Variants in BTBD16 observed in about 807,000 individuals in gnomAD.
BTBD16 encodes the protein BTB/POZ domain-containing protein 16.
A neutral mutation model predicts 67.4 loss-of-function variants in BTBD16; 66 were observed. The ratio of observed to expected loss-of-function variants is 0.98; its 90% CI spans 0.80 to 1.20. The LOEUF is 1.20. BTBD16 is among the 50% of genes most tolerant of loss of function. The probability of loss-of-function intolerance (pLI) is 0.00; values close to 1 mark genes in which losing one functional copy is unlikely to be tolerated. For missense variants in BTBD16, 634 were observed against 616.0 expected (o/e 1.03, Z -0.31); for synonymous variants, 242 against 236.4 (o/e 1.02, Z -0.22).
intron 15 of BTBD16, 103 bp downstream of exon 15, chr10:122,336,785 GAT>G: frequency 9.4e-7 from 1 of 1,061,110 alleles, no homozygotes; most frequent in East Asian, 2.9e-5. Flanking sequence ...CTACACTGAA[GAT>G]CCCTGGAAAA....
intron 4 of BTBD16, among the ~76,000 whole-genome samples, chr10:122,284,964 C>T (rs993583952): frequency 6.6e-6 from 1 of 152,116 alleles, no homozygotes; most frequent in Admixed American, 6.5e-5. Flanking sequence ...TGGGCTGAGA[C>T]TTTTTCTAAC....
chr10:122,306,150 A>T (rs1471341267), intron 9 of BTBD16, among the ~76,000 whole-genome samples: 1 of 152,204 alleles, frequency 6.6e-6, no homozygotes, highest in Admixed American at 6.5e-5. Flanking sequence ...CCATAGAGAG[A>T]TTTGAAGATG....
Position 122,286,195 on chromosome 10 carries a change from C to T in BTBD16, c.332C>T (p.Ala111Val). 1 of 1,613,948 alleles carries T rather than the reference C, an allele frequency of 6.2e-7. No homozygotes were observed. The highest frequency in any genetic ancestry group is 8.5e-7 in the Non-Finnish European group (1 of 1,179,858). The change falls in exon 5 of 16, where the codon GCC (alanine) becomes GTC (valine). Residue 111 changes from alanine (A) to valine (V), a missense_variant. By Grantham distance (64) the Ala-to-Val change is moderately conservative. Coordinates refer to ENST00000260723, the MANE Select transcript of BTBD16 (RefSeq NM_144587.5). The part of the protein sequence containing the change: ...SETLAKLYLK[A>V]LAQGTTHPLR... ...ACCTTGGCCAAGCTCTACCTGAAAG[C>T]CCTGGCGCAGGGCACCACACACCCC...
At chr10:122,294,585 A>G (rs866077438) in intron 7 of BTBD16, among the ~76,000 whole-genome samples, 20 of 152,360 alleles carry the variant, frequency 1.3e-4, no homozygotes, top group Middle Eastern at 3.4e-3. Context: ...CACATGGAGC[A>G]TCTCCCTGGT....
chr10:122,327,724 G>C, intron 10 of BTBD16: 1 of 874,900 alleles, frequency 1.1e-6, no homozygotes, highest in Non-Finnish European at 1.4e-6. Flanking sequence ...CTCTGGGACA[G>C]GATGGCTGTC....
chr10:122,329,451 CT>C, intron 10 of BTBD16, 28 bp from the exon 11 acceptor site: 5 of 1,608,842 alleles, frequency 3.1e-6, no homozygotes, highest in Non-Finnish European at 4.2e-6. Context: ...TGCTGAAGGT[CT>C]GTTATTCTTC....
chr10:122,322,398 C>T (rs879277078), intron 10 of BTBD16, among the ~76,000 whole-genome samples: 2 of 152,008 alleles, frequency 1.3e-5, no homozygotes, highest in Admixed American at 1.3e-4. Flanking sequence ...GTGGCTTTAT[C>T]GGACATTCTA....
At position 122,286,268 on chromosome 10, in the gene BTBD16, C is replaced by A; in HGVS notation, c.385+20C>A. The A allele has an allele frequency of 6.3e-7, 1 of 1,594,074 alleles. No individual in the cohort carries two copies. Reference sequence around the variant, plus strand: ...TGCGAGGTACTTCCTCCCTGGCACCCAGTGCTGGAGCCCCAGTGCCCTCTA... The same window carrying A: ...TGCGAGGTACTTCCTCCCTGGCACCAAGTGCTGGAGCCCCAGTGCCCTCTA... On this transcript the variant is annotated intron_variant, in intron 5 of 15. Coordinates refer to ENST00000260723, the MANE Select transcript of BTBD16 (RefSeq NM_144587.5).
At chr10:122,334,529 TAG>T (rs2096460374) in intron 13 of BTBD16, among the ~76,000 whole-genome samples, 2 of 104,178 alleles carry the variant, frequency 1.9e-5, no homozygotes, top group South Asian at 7.2e-4. Context: ...TTTTTTGAGA[TAG>T]AGTCTTACTC....
At chr10:122,277,895 A>G (rs1173207747) in intron 3 of BTBD16, among the ~76,000 whole-genome samples, 2 of 152,214 alleles carry the variant, frequency 1.3e-5, no homozygotes, top group Non-Finnish European at 2.9e-5. Flanking sequence ...CCCTGGTGCC[A>G]TGGACCTGGC....
intron 10 of BTBD16, among the ~76,000 whole-genome samples, chr10:122,324,017 A>G (rs2096439941): frequency 6.6e-6 from 1 of 152,202 alleles, no homozygotes; most frequent in Non-Finnish European, 1.5e-5. Context: ...CACCAGAGGG[A>G]AGTAATTTGA....
intron 11 of BTBD16, among the ~76,000 whole-genome samples, chr10:122,329,969 G>A (rs2096452542): frequency 6.6e-6 from 1 of 152,204 alleles, no homozygotes; most frequent in African/African-American, 2.4e-5. Context: ...TCTGGGCACA[G>A]GGGATGGTAC....
At position 122,276,932 on chromosome 10, in the gene BTBD16, C is replaced by T. The variant is rs761016624; in HGVS notation, c.160C>T (p.Pro54Ser). 4.3e-6 allele frequency: 7 copies of T among 1,613,910 alleles called. No individual in the cohort carries two copies. Among genetic ancestry groups the T allele is most frequent in the African/African-American group, 1.3e-5 (1 of 75,010 alleles). Residue 54 changes from proline to serine, a missense_variant, in exon 3 of 16, where the codon CCA (proline) becomes TCA (serine). Transcript: ENST00000260723. ...SIDFEEALRN[P>S]DRLCISQIQK... The stretch of plus-strand genomic sequence containing the variant: ...AGACTTTGAGGAAGCTTTGAGGAAC[C>T]CAGACAGGTATGGAGACTCAAAGGT...
Position 122,289,987 on chromosome 10 carries a change from T to A in BTBD16, c.464T>A (p.Val155Asp). The A allele has an allele frequency of 6.2e-7, 1 of 1,610,836 alleles. No individual in the cohort carries two copies. Among genetic ancestry groups the A allele is most frequent in the Non-Finnish European group, 8.5e-7 (1 of 1,177,262 alleles). Reference protein sequence around the residue: ...IISLKINDPLVTKVAFATALK... With the variant: ...IISLKINDPLDTKVAFATALK... Reference sequence around the variant, plus strand: ...TCCTTGAAGATCAATGACCCACTGGTCACTAAAGTCGGTATGTATATACCC... The same window carrying A: ...TCCTTGAAGATCAATGACCCACTGGACACTAAAGTCGGTATGTATATACCC... Residue 155 changes from valine (V) to aspartate (D), a missense_variant, in exon 6 of 16, where the codon GTC becomes GAC. Val to Asp is a radical substitution (Grantham distance 152). Transcript: ENST00000260723.
Position 122,324,151 on chromosome 10 carries a change from G to A in BTBD16, c.912-5329G>A, listed in dbSNP as rs553446379. ...CCCAGCCTTTACAGAGCTTGACAAA[G>A]CCGGTTCCAGAAAGCCTTCTCTGAT... On this transcript the variant is annotated intron_variant, in intron 10 of 15. Coordinates refer to ENST00000260723, the MANE Select transcript of BTBD16 (RefSeq NM_144587.5). 2.6e-5 allele frequency among the ~76,000 whole-genome samples: 4 copies of A among 152,292 alleles called. No individual in the cohort carries two copies. In the East Asian group the frequency reaches 5.8e-4, roughly 22 times the overall value.
chr10:122,323,493 A>C (rs1239490957), intron 10 of BTBD16, among the ~76,000 whole-genome samples: 3 of 152,142 alleles, frequency 2.0e-5, no homozygotes, highest in Non-Finnish European at 4.4e-5. Context: ...GATCTGAATG[A>C]CTGCTAGAAG....
chr10:122,337,577 G>C (rs1227225258), intron 15 of BTBD16, among the ~76,000 whole-genome samples: 1 of 152,124 alleles, frequency 6.6e-6, no homozygotes, highest in East Asian at 1.9e-4. Context: ...CCATTCTCCT[G>C]CCTCAGCCTC....
At chr10:122,336,017 T>C (rs1323078596) in intron 14 of BTBD16, among the ~76,000 whole-genome samples, 1 of 152,152 alleles carries the variant, frequency 6.6e-6, no homozygotes, top group East Asian at 1.9e-4. Context: ...AATTAATGCA[T>C]GAATGAAGAA....
At chr10:122,290,212 A>C (rs2096371396) in intron 6 of BTBD16, among the ~76,000 whole-genome samples, 1 of 152,124 alleles carries the variant, frequency 6.6e-6, no homozygotes, top group South Asian at 2.1e-4. Context: ...TACTAAAGAG[A>C]GGTTCTTGTC....
Sources: allele counts gnomAD v4.1 joint callset (sites outside exome capture counted in the v4.1 genomes callset), GRCh38; gene constraint gnomAD v4.1.1; transcripts MANE v1.5; gene names NCBI Gene and HGNC (gene_info 2026-07-23, HGNC 2026-07-21).